VPS53: variants seen among roughly 807,000 people sequenced by gnomAD.
VPS53 encodes vacuolar protein sorting-associated protein 53 homolog.
A neutral mutation model predicts 107.0 loss-of-function variants in VPS53; 70 were observed. The ratio of observed to expected loss-of-function variants is 0.65; its 90% CI spans 0.54 to 0.80. VPS53 has a LOEUF of 0.80. Among genes scored for constraint, VPS53 ranks in the 30% least tolerant of loss-of-function variants. The pLI is 0.00. For missense variants in VPS53, 917 were observed against 1,049.4 expected (o/e 0.87, Z 1.74); for synonymous variants, 409 against 393.3 (o/e 1.04, Z -0.47).
Position 708,368 on chromosome 17 carries a change from C to G in VPS53, c.168+2165G>C, listed in dbSNP as rs574712028. ...CGAAGCAGAGAGGGAGGACAGCAGA[C>G]GTCAGCATTTTTTCTTTGCACTTAT... On this transcript the variant is annotated intron_variant, in intron 2 of 21. Transcript: ENST00000437048. Among the ~76,000 whole-genome samples, 7 of 152,288 alleles carry G rather than the reference C, an allele frequency of 4.6e-5. No individual in the cohort carries two copies. In the East Asian group the frequency reaches 1.4e-3, roughly 29 times the overall value.
intron 13 of VPS53, among the ~76,000 whole-genome samples, chr17:566,539 C>A (rs931463133): frequency 1.3e-5 from 2 of 152,128 alleles, no homozygotes; most frequent in East Asian, 3.9e-4. Flanking sequence ...TGATCAACCT[C>A]CACACTTTGT....
chr17:654,574 T>TA (rs1971099383), intron 6 of VPS53, among the ~76,000 whole-genome samples: 1 of 151,206 alleles, frequency 6.6e-6, no homozygotes, highest in African/African-American at 2.4e-5. Context: ...CCGTCTCTAC[T>TA]AAAAATACAA....
Position 557,320 on chromosome 17 carries a change from C to T in VPS53, c.1704+3106G>A, listed in dbSNP as rs547812139. Among the ~76,000 whole-genome samples the T allele has an allele frequency of 9.2e-5, 14 of 152,302 alleles. No individual in the cohort carries two copies. In the South Asian group the frequency reaches 2.7e-3, roughly 29 times the overall value. The stretch of plus-strand genomic sequence containing the variant: ...TGTGTGTTCAATCTCTCTCTCCTTT[C>T]TAAGGACAACAGTCATTAGATAAGG... On this transcript the variant is annotated intron_variant, in intron 15 of 21. Coordinates refer to ENST00000437048, the MANE Select transcript of VPS53 (RefSeq NM_001128159.3).
chr17:631,553 G>A lies in VPS53; in HGVS notation c.684C>T (p.Thr228=), dbSNP rs1969961561. Residue 228 remains threonine (T), a synonymous_variant, in exon 8 of 22, where the codon ACC becomes ACT. Coordinates refer to ENST00000437048, the MANE Select transcript of VPS53 (RefSeq NM_001128159.3). ...CTGGGGAAACGCAAAGCAGTACCTT[G>A]GTGCCCTGGGAAGGAAACGCTTCTT... is the stretch of plus-strand genomic sequence containing the variant. ...DFEEAFPSQG[T]KRPGGPSNVL... is the part of the protein sequence containing the mutation. 6.2e-7 allele frequency: 1 copy of A among 1,613,996 alleles called. No individual in the cohort carries two copies. The highest frequency in any genetic ancestry group is 1.3e-5 in the African/African-American group (1 of 74,994).
At chr17:563,560 C>G (rs1044359737) in intron 13 of VPS53, among the ~76,000 whole-genome samples, 1 of 152,160 alleles carries the variant, frequency 6.6e-6, no homozygotes, top group Non-Finnish European at 1.5e-5. Context: ...TCCCAAAGTG[C>G]TGGGATTACA....
At chr17:714,506 T>C (rs1052116396) in intron 1 of VPS53, 117 bp downstream of exon 1, 217 of 968,718 alleles carry the variant, frequency 2.2e-4, no homozygotes, top group Non-Finnish European at 2.9e-4. Flanking sequence ...ACCTCCACTT[T>C]CCCTTCTGCC....
intron 19 of VPS53, among the ~76,000 whole-genome samples, chr17:525,899 A>C (rs888519120): frequency 6.1e-5 from 9 of 146,684 alleles, no homozygotes; most frequent in Non-Finnish European, 1.3e-4. Flanking sequence ...CGGGAGGCTG[A>C]GGCAGGAGAA....
intron 11 of VPS53, among the ~76,000 whole-genome samples, chr17:618,350 ACCACCACGCC>A (rs1969259090): frequency 1.4e-5 from 1 of 70,892 alleles, no homozygotes; most frequent in Non-Finnish European, 3.2e-5. Context: ...ACAGGGGTGC[ACCACCACGCC>A]CCACTAATAT....
chr17:598,168 G>C (rs993644800), intron 12 of VPS53, among the ~76,000 whole-genome samples: 19 of 152,218 alleles, frequency 1.2e-4, no homozygotes, highest in Admixed American at 7.2e-4. Context: ...TCGCTGGGTT[G>C]GCCAGGCCGG....
chr17:569,372 TAA>T (rs1913834607), intron 13 of VPS53, among the ~76,000 whole-genome samples: 1 of 152,194 alleles, frequency 6.6e-6, no homozygotes, highest in Non-Finnish European at 1.5e-5. Context: ...TGTGGTTATA[TAA>T]GATGTCAACA....
At chr17:696,462 A>G (rs1396405438) in intron 4 of VPS53, among the ~76,000 whole-genome samples, 1 of 152,240 alleles carries the variant, frequency 6.6e-6, no homozygotes, top group Non-Finnish European at 1.5e-5. Flanking sequence ...AAATCACAGC[A>G]TTGAAGCAAT....
At position 627,286 on chromosome 17, in the gene VPS53, A is replaced by G. The variant is rs1969754873; in HGVS notation, c.862T>C (p.Tyr288His). ...ACAAGCTGGCGTTTTATCCAGGCAT[A>G]GCGTCTGTCGATTTTGTCCAGCCAG... ...VAWLDKIDRR[Y>H]AWIKRQLVDY... The change falls in exon 10 of 22, where the codon TAT becomes CAT. Residue 288 changes from tyrosine to histidine, a missense_variant. Tyr to His is a moderately conservative substitution (Grantham distance 83, BLOSUM62 2). Transcript: ENST00000437048. 1 of 1,613,846 alleles carries G rather than the reference A, an allele frequency of 6.2e-7. No homozygotes were observed. The highest frequency in any genetic ancestry group is 1.3e-5 in the African/African-American group (1 of 74,910).
intron 19 of VPS53, among the ~76,000 whole-genome samples, chr17:527,875 G>A (rs970726262): frequency 6.6e-6 from 1 of 152,192 alleles, no homozygotes; most frequent in Non-Finnish European, 1.5e-5. Context: ...GCCTCCCAGA[G>A]TGCTAGGATT....
intron 4 of VPS53, among the ~76,000 whole-genome samples, chr17:692,317 T>C (rs1311754600): frequency 6.6e-6 from 1 of 152,168 alleles, no homozygotes; most frequent in African/African-American, 2.4e-5. Flanking sequence ...CCACAAAGTT[T>C]TAAACGTGGG....
intron 4 of VPS53, among the ~76,000 whole-genome samples, chr17:695,897 T>C (rs1042676782): frequency 2.0e-5 from 3 of 151,998 alleles, no homozygotes; most frequent in Non-Finnish European, 4.4e-5. Context: ...TCTGAAGAGG[T>C]AGACAATACG....
intron 13 of VPS53, among the ~76,000 whole-genome samples, chr17:576,737 C>A (rs1914647923): frequency 6.6e-6 from 1 of 151,724 alleles, no homozygotes; most frequent in Non-Finnish European, 1.5e-5. Flanking sequence ...ACAGAACCTC[C>A]CTCAGAACCC....
chr17:714,389 A>G, intron 1 of VPS53: 1 of 555,404 alleles, frequency 1.8e-6, no homozygotes, highest in South Asian at 2.2e-5. Flanking sequence ...CCTTTCCCCA[A>G]AACCACCAGA....
rs1233383209 is a variant in VPS53, at chr17:512,745, G to A, written c.*6383C>T. 2.6e-5 allele frequency: 4 copies of A among 152,272 alleles called. No homozygotes were observed. Among genetic ancestry groups the A allele is most frequent in the South Asian group, 2.1e-4 (1 of 4,822 alleles). The allele number at this position is 152,272 out of a possible 1,614,324, so 9.4% of individuals were successfully genotyped here. On this transcript the variant is annotated 3_prime_UTR_variant, in exon 22 of 22. Coordinates refer to ENST00000437048, the MANE Select transcript of VPS53 (RefSeq NM_001128159.3). ...CCCGAAGAGTTTTCATGGCAAAAACGTCCAACCAGCTACTAAGGAAACAGG... is the reference window on the plus strand; with the variant it reads ...CCCGAAGAGTTTTCATGGCAAAAACATCCAACCAGCTACTAAGGAAACAGG...
At position 589,227 on chromosome 17, in the gene VPS53, T is replaced by C. The variant is rs530428030; in HGVS notation, c.1219-2863A>G. Among the ~76,000 whole-genome samples the C allele has an allele frequency of 9.9e-5, 15 of 152,196 alleles. No individual in the cohort carries two copies. In the South Asian group the frequency reaches 3.1e-3, roughly 32 times the overall value. ...GTATATTTTGCTTTTTTTTTAAATT[T>C]TGAACATGTATATTTTGTATTCAGC... is the stretch of plus-strand genomic sequence containing the variant. On this transcript the variant is annotated intron_variant, in intron 12 of 21. Transcript: ENST00000437048.
Sources: gnomAD v4.1 joint callset for allele counts (sites outside exome capture counted in the v4.1 genomes callset) on GRCh38, gnomAD v4.1.1 for gene constraint, MANE v1.5 for transcripts, NCBI Gene and HGNC (gene_info 2026-07-23, HGNC 2026-07-21) for gene names.